SNX25: variants seen among roughly 807,000 people sequenced by gnomAD.
The protein encoded by SNX25 is sorting nexin-25.
A neutral mutation model predicts 113.7 loss-of-function variants in SNX25; 62 were observed. That is an observed-to-expected ratio of 0.55 (90% CI 0.44 to 0.67). SNX25 has a LOEUF of 0.67. SNX25 is among the 30% of genes least tolerant of loss of function. SNX25 has a pLI of 0.00. For missense variants in SNX25, 1,014 were observed against 1,161.0 expected (o/e 0.87, Z 1.84); for synonymous variants, 421 against 436.2 (o/e 0.97, Z 0.43).
At chr4:185,361,146 T>C (rs193188780) in intron 16 of SNX25, among the ~76,000 whole-genome samples, 1 of 152,142 alleles carries the variant, frequency 6.6e-6, no homozygotes. Context: ...AAGTGCTTCA[T>C]CTGGATCCGA....
intron 16 of SNX25, among the ~76,000 whole-genome samples, chr4:185,361,583 C>G (rs1007175637): frequency 3.9e-5 from 6 of 151,928 alleles, no homozygotes; most frequent in Admixed American, 3.9e-4. Context: ...ACTAAAAATA[C>G]AAAAATCAGC....
At chr4:185,237,330 G>T (rs1458835347) in intron 1 of SNX25, among the ~76,000 whole-genome samples, 2 of 152,156 alleles carry the variant, frequency 1.3e-5, no homozygotes, top group African/African-American at 2.4e-5. Flanking sequence ...GTTTTGTTTG[G>T]ATACTTAAAT....
chr4:185,251,114 C>A (rs1745566261), intron 2 of SNX25, among the ~76,000 whole-genome samples: 1 of 152,014 alleles, frequency 6.6e-6, no homozygotes, highest in East Asian at 1.9e-4. Context: ...TGTGCCTCAG[C>A]CTCCCAAGTA....
At chr4:185,287,822 T>C (rs1751553883) in intron 5 of SNX25, among the ~76,000 whole-genome samples, 190 bp from the exon 6 acceptor site, 1 of 50,216 alleles carries the variant, frequency 2.0e-5, no homozygotes, top group Non-Finnish European at 4.6e-5. Context: ...GGCCTCAGAA[T>C]GACTAGCGCG....
chr4:185,220,649 T>C (rs1226451836), intron 1 of SNX25, among the ~76,000 whole-genome samples: 1 of 151,918 alleles, frequency 6.6e-6, no homozygotes, highest in Non-Finnish European at 1.5e-5. Context: ...CCTGGCTAAA[T>C]TTTTGTATTT....
intron 1 of SNX25, among the ~76,000 whole-genome samples, chr4:185,223,940 G>T (rs1200953865): frequency 1.3e-5 from 2 of 152,268 alleles, no homozygotes; most frequent in East Asian, 3.9e-4. Context: ...TTACATAAAG[G>T]TACAGTTCGG....
chr4:185,346,901 T>C (rs1391424176), intron 13 of SNX25, among the ~76,000 whole-genome samples: 4 of 152,216 alleles, frequency 2.6e-5, no homozygotes, highest in Admixed American at 6.5e-5. Flanking sequence ...GCACTGGTTA[T>C]CACCAGCAGC....
chr4:185,239,354 G>C (rs200491880), intron 1 of SNX25, among the ~76,000 whole-genome samples: 2 of 152,004 alleles, frequency 1.3e-5, no homozygotes, highest in Non-Finnish European at 2.9e-5. Context: ...GTGGTGGTGG[G>C]CACCTGTAGT....
At chr4:185,257,336 C>G (rs1239279562) in intron 2 of SNX25, among the ~76,000 whole-genome samples, 2 of 152,034 alleles carry the variant, frequency 1.3e-5, no homozygotes, top group African/African-American at 4.8e-5. Flanking sequence ...TTCAAAAGAC[C>G]TAGCTTCTTG....
At chr4:185,328,876 G>A (rs1246488059) in intron 9 of SNX25, among the ~76,000 whole-genome samples, 1 of 152,166 alleles carries the variant, frequency 6.6e-6, no homozygotes, top group Non-Finnish European at 1.5e-5. Flanking sequence ...TGGGACTGAA[G>A]GCTTGGGGGC....
intron 6 of SNX25, among the ~76,000 whole-genome samples, chr4:185,294,331 G>C (rs556459646): frequency 6.6e-6 from 1 of 152,200 alleles, no homozygotes; most frequent in Non-Finnish European, 1.5e-5. Flanking sequence ...CTTGGTTCAA[G>C]TTCTCTTGTG....
intron 1 of SNX25, among the ~76,000 whole-genome samples, chr4:185,222,021 T>C (rs201621984): frequency 2.8e-5 from 4 of 143,904 alleles, no homozygotes; most frequent in African/African-American, 1.0e-4. Context: ...GCACCATATA[T>C]CCCTCGTTCA....
intron 6 of SNX25, 50 bp from the exon 7 acceptor site, chr4:185,310,585 C>G (rs1319399450): frequency 1.3e-6 from 2 of 1,547,664 alleles, no homozygotes; most frequent in South Asian, 1.3e-5. Context: ...TTGCTGTGTC[C>G]TTTCATGCCT....
intron 1 of SNX25, among the ~76,000 whole-genome samples, chr4:185,235,210 T>G (rs996378288): frequency 6.6e-6 from 1 of 152,266 alleles, no homozygotes; most frequent in South Asian, 2.1e-4. Context: ...AAACATACTT[T>G]GATACATGGT....
At chr4:185,213,958 A>C (rs1231034338) in intron 1 of SNX25, among the ~76,000 whole-genome samples, 1 of 148,534 alleles carries the variant, frequency 6.7e-6, no homozygotes, top group Non-Finnish European at 1.5e-5. Context: ...TTTTTAGACA[A>C]GGTCTCGCTC....
At chr4:185,250,203 G>A (rs1224996304) in intron 2 of SNX25, among the ~76,000 whole-genome samples, 2 of 152,198 alleles carry the variant, frequency 1.3e-5, no homozygotes, top group Admixed American at 6.5e-5. Flanking sequence ...CCCTCAGTCC[G>A]AGGACATAGA....
chr4:185,290,118 C>A (rs925886418), intron 6 of SNX25, among the ~76,000 whole-genome samples: 3 of 152,178 alleles, frequency 2.0e-5, no homozygotes, highest in Non-Finnish European at 4.4e-5. Flanking sequence ...TCATACTGCA[C>A]TGGGGCCCAT....
intron 2 of SNX25, among the ~76,000 whole-genome samples, chr4:185,257,277 C>A (rs1006940148): frequency 1.3e-5 from 2 of 151,754 alleles, no homozygotes; most frequent in African/African-American, 4.8e-5. Context: ...TGTTTTTCTC[C>A]CTTGGGGCCC....
At position 185,346,573 on chromosome 4, in the gene SNX25, C is replaced by T. The variant is rs1363439863; in HGVS notation, c.2224C>T (p.Leu742Phe). The change falls in exon 13 of 19, where the codon CTT becomes TTT. Residue 742 changes from leucine (L) to phenylalanine (F), a missense_variant. By Grantham distance (22) the Leu-to-Phe change is conservative (BLOSUM62 0). Coordinates refer to ENST00000652585, the MANE Select transcript of SNX25 (RefSeq NM_001378034.2). ...TTTAAAAAAAGTCCAGTTGCCTTCT[C>T]TTAGCAAGCTGCCTTTCAAATCTAT... is the stretch of plus-strand genomic sequence containing the variant. ...PSLKKVQLPS[L>F]SKLPFKSIDQ... is the part of the protein sequence containing the mutation. The T allele has an allele frequency of 1.3e-6, 2 of 1,596,952 alleles. No homozygotes were observed. Among genetic ancestry groups the T allele is most frequent in the East Asian group, 4.5e-5 (2 of 44,284 alleles).
Sources: allele counts gnomAD v4.1 joint callset (sites outside exome capture counted in the v4.1 genomes callset), GRCh38; gene constraint gnomAD v4.1.1; transcripts MANE v1.5; gene names NCBI Gene and HGNC (gene_info 2026-07-23, HGNC 2026-07-21).